NKAIN1: variants seen among roughly 807,000 people sequenced by gnomAD.
NKAIN1 encodes sodium/potassium-transporting ATPase subunit beta-1-interacting protein 1.
Under a neutral mutation model 31.6 loss-of-function variants are expected in NKAIN1, and 13 were observed. The observed-to-expected ratio is 0.41, with a 90% CI of 0.27 to 0.65. The LOEUF is 0.65. Among genes scored for constraint, NKAIN1 ranks in the 30% least tolerant of loss-of-function variants. The probability of loss-of-function intolerance (pLI) is 0.30; values close to 1 mark genes in which losing one functional copy is unlikely to be tolerated. For synonymous variants in NKAIN1, 104 were observed against 109.0 expected, an observed-to-expected ratio of 0.95 and a Z score of 0.28; for missense variants, 193 against 262.2, an observed-to-expected ratio of 0.74 and a Z score of 1.82.
chr1:31,225,201 T>C (rs1218193295), intron 1 of NKAIN1, among the ~76,000 whole-genome samples: 1 of 151,076 alleles, frequency 6.6e-6, no homozygotes, highest in East Asian at 1.9e-4. Flanking sequence ...CTAATTTCTG[T>C]ATTTTTAGTA....
chr1:31,190,729 T>G, intron 1 of NKAIN1, among the ~76,000 whole-genome samples: 1 of 152,162 alleles, frequency 6.6e-6, no homozygotes, highest in East Asian at 1.9e-4. Context: ...GCTGCTGGCC[T>G]TGGGGGAGAA....
rs1313878367 is a variant in NKAIN1, at chr1:31,216,712, T to C, written c.54+22782A>G. Among the ~76,000 whole-genome samples, 3 of 150,768 alleles carry C rather than the reference T, an allele frequency of 2.0e-5. No homozygotes were observed. The East Asian group carries it at 6.0e-4, about 30-fold the overall frequency. On this transcript the variant is annotated intron_variant, in intron 1 of 6. Transcript: ENST00000373736. ...GACTTTTATTTATTTATTTATTTAT[T>C]TATTTATTTATTTATTTATTGAGAC...
intron 1 of NKAIN1, chr1:31,188,544 G>A (rs1391602177): frequency 1.8e-5 from 4 of 219,850 alleles, no homozygotes; most frequent in Non-Finnish European, 3.6e-5. Flanking sequence ...TGGAGCCCGA[G>A]TCACCTCTTC....
At chr1:31,217,491 C>A (rs900395315) in intron 1 of NKAIN1, among the ~76,000 whole-genome samples, 1 of 152,052 alleles carries the variant, frequency 6.6e-6, no homozygotes, top group Non-Finnish European at 1.5e-5. Flanking sequence ...TTTAGTGGCA[C>A]CTCCTAGACT....
intron 2 of NKAIN1, 34 bp from the exon 3 acceptor site, chr1:31,185,361 C>T (rs767560302): frequency 6.4e-7 from 1 of 1,555,696 alleles, no homozygotes; most frequent in East Asian, 2.3e-5. Flanking sequence ...AGGGTGGGGC[C>T]TGGGGAGTGG....
intron 1 of NKAIN1, among the ~76,000 whole-genome samples, chr1:31,199,114 T>A (rs916499439): frequency 6.6e-6 from 1 of 152,226 alleles, no homozygotes; most frequent in Non-Finnish European, 1.5e-5. Flanking sequence ...AGATGAGGGA[T>A]GGACCCTTGA....
chr1:31,188,515 T>C, intron 1 of NKAIN1: 1 of 245,558 alleles, frequency 4.1e-6, no homozygotes, highest in Non-Finnish European at 7.9e-6. Flanking sequence ...ACCCCTAGCC[T>C]TGGAGGGCAA....
intron 1 of NKAIN1, among the ~76,000 whole-genome samples, chr1:31,221,182 C>T (rs896432737): frequency 2.6e-5 from 4 of 152,142 alleles, no homozygotes; most frequent in African/African-American, 9.7e-5. Flanking sequence ...ATGGCAAAGG[C>T]TCTGAGGTGT....
At chr1:31,194,750 C>T (rs1265459636) in intron 1 of NKAIN1, among the ~76,000 whole-genome samples, 2 of 142,450 alleles carry the variant, frequency 1.4e-5, no homozygotes, top group Non-Finnish European at 3.1e-5. Flanking sequence ...TCCTTCCTTC[C>T]TTTTCTCTCT....
intron 5 of NKAIN1, 80 bp downstream of exon 5, chr1:31,182,450 G>A (rs1027281442): frequency 1.1e-5 from 16 of 1,519,972 alleles, no homozygotes; most frequent in Non-Finnish European, 1.1e-5. Flanking sequence ...CCCTCCCGCC[G>A]GGGCCAGTCA....
At chr1:31,191,826 G>T (rs187685393) in intron 1 of NKAIN1, among the ~76,000 whole-genome samples, 16 of 152,106 alleles carry the variant, frequency 1.1e-4, no homozygotes, top group African/African-American at 3.9e-4. Context: ...GCCCAGGTTG[G>T]GGTGCAATGT....
At chr1:31,207,043 G>A (rs1260539254) in intron 1 of NKAIN1, among the ~76,000 whole-genome samples, 1 of 152,146 alleles carries the variant, frequency 6.6e-6, no homozygotes, top group Non-Finnish European at 1.5e-5. Flanking sequence ...CTGGCTGTAT[G>A]TGCTTTTTAA....
intron 2 of NKAIN1, 146 bp from the exon 3 acceptor site, chr1:31,185,473 A>G (rs1358853199): frequency 1.5e-6 from 1 of 675,058 alleles, no homozygotes; most frequent in Admixed American, 2.3e-5. Flanking sequence ...TAGCTTACAA[A>G]TCATTTACAC....
chr1:31,208,099 G>A (rs1016819371), intron 1 of NKAIN1, among the ~76,000 whole-genome samples: 1 of 152,074 alleles, frequency 6.6e-6, no homozygotes, highest in East Asian at 1.9e-4. Context: ...CAATGGATCC[G>A]CTCATGCCAC....
intron 1 of NKAIN1, among the ~76,000 whole-genome samples, chr1:31,224,835 G>A (rs1441502876): frequency 6.6e-6 from 1 of 152,152 alleles, no homozygotes; most frequent in East Asian, 1.9e-4. Context: ...CTCTTGGAGG[G>A]TGGCCAGCTT....
At chr1:31,224,401 C>T (rs913627086) in intron 1 of NKAIN1, among the ~76,000 whole-genome samples, 11 of 152,304 alleles carry the variant, frequency 7.2e-5, no homozygotes, top group Admixed American at 5.2e-4. Context: ...TGTGCAGTTT[C>T]GAATACAGAT....
intron 1 of NKAIN1, among the ~76,000 whole-genome samples, chr1:31,226,273 G>A (rs1333985140): frequency 1.3e-5 from 2 of 151,340 alleles, no homozygotes; most frequent in Non-Finnish European, 2.9e-5. Context: ...CACATAGTAG[G>A]TATCCATAAA....
intron 2 of NKAIN1, among the ~76,000 whole-genome samples, chr1:31,186,953 C>T (rs1026728987): frequency 1.6e-4 from 25 of 152,136 alleles, no homozygotes; most frequent in Admixed American, 2.0e-4. Flanking sequence ...AGGTTAGGGT[C>T]GATTTGAGAC....
intron 1 of NKAIN1, among the ~76,000 whole-genome samples, chr1:31,234,199 G>T (rs1181235959): frequency 6.6e-6 from 1 of 152,130 alleles, no homozygotes; most frequent in African/African-American, 2.4e-5. Context: ...GAACAAAAGG[G>T]GCCAGTGGCC....
Sources: allele counts gnomAD v4.1 joint callset (sites outside exome capture counted in the v4.1 genomes callset), GRCh38; gene constraint gnomAD v4.1.1; transcripts MANE v1.5; gene names NCBI Gene and HGNC (gene_info 2026-07-23, HGNC 2026-07-21).